Variants in NSRP1 observed in about 807,000 individuals in gnomAD.
The protein encoded by NSRP1 is coiled-coil domain containing 55.
NSRP1 carries 24 observed loss-of-function variants against 54.7 expected under a neutral mutation model. The observed-to-expected ratio is 0.44, with a 90% CI of 0.32 to 0.62. The LOEUF (loss-of-function observed/expected upper bound fraction) is 0.62. Among genes scored for constraint, NSRP1 ranks in the 20% least tolerant of loss-of-function variants. The pLI is 0.06. For missense variants in NSRP1, 596 were observed against 651.2 expected, an observed-to-expected ratio of 0.92 and a Z score of 0.92; for synonymous variants, 210 against 213.8, an observed-to-expected ratio of 0.98 and a Z score of 0.15.
intron 2 of NSRP1, among the ~76,000 whole-genome samples, chr17:30,171,076 T>A (rs898286271): frequency 6.6e-6 from 1 of 152,142 alleles, no homozygotes; most frequent in African/African-American, 2.4e-5. Context: ...TTTTTTTTTC[T>A]TAGCTGTATG....
rs1597588377 is a variant in NSRP1 at position 30,116,984 on chromosome 17, G to A, written c.20+121G>A. 2.3e-6 allele frequency: 3 copies of A among 1,287,192 alleles called. No individual in the cohort carries two copies. In the South Asian group the frequency reaches 3.8e-5, roughly 16 times the overall value. 79.7% of individuals were successfully genotyped at this position (1,287,192 alleles called of 1,614,324 possible). A position where few individuals can be genotyped will look rare whatever the true frequency, so the allele number is the denominator to read the frequency against. On this transcript the variant is annotated intron_variant, in intron 1 of 6. Coordinates refer to ENST00000247026, the MANE Select transcript of NSRP1 (RefSeq NM_032141.4). ...GACTGTGTCGTCAAGGGTAGAGACG[G>A]GAAAAAACGAGAAGTCCTGAGGAAC... is the stretch of plus-strand genomic sequence containing the variant.
intron 2 of NSRP1, among the ~76,000 whole-genome samples, chr17:30,146,241 T>C (rs2143002662): frequency 6.6e-6 from 1 of 152,324 alleles, no homozygotes; most frequent in East Asian, 1.9e-4. Context: ...TCAAACTATT[T>C]GTGGACTTTT....
At chr17:30,184,309 CTTAGGCTTA>C (rs1905424676) in intron 6 of NSRP1, among the ~76,000 whole-genome samples, 1 of 152,202 alleles carries the variant, frequency 6.6e-6, no homozygotes, top group Non-Finnish European at 1.5e-5. Flanking sequence ...TATTCTTTGT[CTTAGGCTTA>C]CCAAAAAATG....
chr17:30,182,969 GTAAA>G (rs923359881), intron 6 of NSRP1, among the ~76,000 whole-genome samples: 1 of 151,784 alleles, frequency 6.6e-6, no homozygotes, highest in African/African-American at 2.4e-5. Context: ...ATAAAATTAA[GTAAA>G]TAAAATTTAA....
At chr17:30,117,206 C>A in intron 1 of NSRP1, 1 of 659,242 alleles carries the variant, frequency 1.5e-6, no homozygotes, top group Non-Finnish European at 2.8e-6. Context: ...CTCTCAGGGG[C>A]AGTGTGAAGA....
chr17:30,136,233 C>T (rs776086086), intron 2 of NSRP1, among the ~76,000 whole-genome samples: 11 of 152,100 alleles, frequency 7.2e-5, no homozygotes, highest in Non-Finnish European at 1.5e-4. Context: ...TGGGCTTTCC[C>T]CACTGACATA....
intron 2 of NSRP1, among the ~76,000 whole-genome samples, chr17:30,138,924 T>G (rs1017260587): frequency 1.2e-4 from 16 of 138,300 alleles, no homozygotes; most frequent in South Asian, 5.2e-4. Flanking sequence ...TTTTTTTTTT[T>G]TTTTTTTTTT....
rs1474304657 is a variant in NSRP1 at position 30,172,556 on chromosome 17, A to T, written c.129A>T (p.Glu43Asp). The T allele has an allele frequency of 3.1e-6, 5 of 1,609,836 alleles. No homozygotes were observed. The highest frequency in any genetic ancestry group is 4.2e-6 in the Non-Finnish European group (5 of 1,177,650). ...SDDDDETSVS[E>D]SLQREAAKKQ... ...CTGTTTTACAGACCTCTGTGAGTGAAAGCCTTCAGAGGGAAGCTGCTAAGA... is the reference window on the plus strand; with the variant it reads ...CTGTTTTACAGACCTCTGTGAGTGATAGCCTTCAGAGGGAAGCTGCTAAGA... Residue 43 changes from glutamate to aspartate, a missense_variant, in exon 3 of 7, where the codon GAA becomes GAT. By Grantham distance (45) the Glu-to-Asp change is conservative. Coordinates refer to ENST00000247026, the MANE Select transcript of NSRP1 (RefSeq NM_032141.4).
At chr17:30,177,375 TAA>T (rs35998302) in intron 3 of NSRP1, among the ~76,000 whole-genome samples, 1 of 148,068 alleles carries the variant, frequency 6.8e-6, no homozygotes. Flanking sequence ...CCCATCGCTT[TAA>T]AAAAAAAAAA....
At chr17:30,158,345 C>G (rs1053266987) in intron 2 of NSRP1, among the ~76,000 whole-genome samples, 2 of 118,366 alleles carry the variant, frequency 1.7e-5, no homozygotes, top group Non-Finnish European at 3.5e-5. Context: ...GTTTTGAGTT[C>G]CTTCTATATT....
intron 2 of NSRP1, among the ~76,000 whole-genome samples, chr17:30,128,771 G>T (rs2071673513): frequency 6.6e-6 from 1 of 152,024 alleles, no homozygotes; most frequent in Admixed American, 6.6e-5. Context: ...TAAAGTGTGT[G>T]CAATACTACG....
intron 2 of NSRP1, among the ~76,000 whole-genome samples, chr17:30,137,787 ACTTAGT>A (rs1333674589): frequency 6.6e-6 from 1 of 152,178 alleles, no homozygotes; most frequent in Non-Finnish European, 1.5e-5. Context: ...GATAAACTGT[ACTTAGT>A]CTTGGTGTAT....
rs929422361 is a variant in NSRP1, at chr17:30,170,395, T to C, written c.115-2147T>C. On this transcript the variant is annotated intron_variant, in intron 2 of 6. Coordinates refer to ENST00000247026, the MANE Select transcript of NSRP1 (RefSeq NM_032141.4). ...ACAATTTTATTACCTATTGTCCTCA[T>C]GTGGTACATTAGATCTCTAGACTTG... Among the ~76,000 whole-genome samples, 11 of 152,192 alleles carry C rather than the reference T, an allele frequency of 7.2e-5. 1 individual carries two copies. Among genetic ancestry groups the C allele is most frequent in the Admixed American group, 3.9e-4 (6 of 15,286 alleles).
At chr17:30,144,997 A>G (rs189149727) in intron 2 of NSRP1, among the ~76,000 whole-genome samples, 7 of 152,260 alleles carry the variant, frequency 4.6e-5, no homozygotes, top group East Asian at 1.9e-4. Flanking sequence ...TTTTGAGTAC[A>G]TATGATTTTG....
intron 2 of NSRP1, among the ~76,000 whole-genome samples, chr17:30,163,568 A>T (rs898647095): frequency 4.6e-5 from 7 of 151,888 alleles, no homozygotes; most frequent in Admixed American, 3.3e-4. Context: ...TATTAGATTG[A>T]TTAAATAATT....
Position 30,185,948 on chromosome 17 carries a change from A to C in NSRP1, c.*274A>C, listed in dbSNP as rs1597626096. 2.1e-5 allele frequency: 5 copies of C among 243,720 alleles called. No homozygotes were observed. The East Asian group carries it at 3.8e-4, about 19-fold the overall frequency. 15.1% of individuals were successfully genotyped at this position (243,720 alleles called of 1,614,324 possible). A position where few individuals can be genotyped will look rare whatever the true frequency, so the allele number is the denominator to read the frequency against. On this transcript the variant is annotated 3_prime_UTR_variant, in exon 7 of 7. Transcript: ENST00000247026. ...GCTAATTCCCTGTAGGTACATAATG[A>C]GGAAAATTTGCTCCACTACAACCAT...
At chr17:30,120,006 T>A (rs2071582643) in intron 2 of NSRP1, among the ~76,000 whole-genome samples, 1 of 152,144 alleles carries the variant, frequency 6.6e-6, no homozygotes, top group Non-Finnish European at 1.5e-5. Context: ...ATTTAGAACA[T>A]TTCCCTCTCT....
intron 2 of NSRP1, among the ~76,000 whole-genome samples, chr17:30,138,563 A>G (rs538809377): frequency 6.6e-6 from 1 of 152,346 alleles, no homozygotes; most frequent in Admixed American, 6.5e-5. Flanking sequence ...AATAACAAGG[A>G]AAAAAGCCTA....
At chr17:30,133,996 C>A (rs2071725864) in intron 2 of NSRP1, among the ~76,000 whole-genome samples, 1 of 152,228 alleles carries the variant, frequency 6.6e-6, no homozygotes, top group Non-Finnish European at 1.5e-5. Flanking sequence ...CCTCAATCAG[C>A]TTAATCATTT....
Sources: allele counts gnomAD v4.1 joint callset (sites outside exome capture counted in the v4.1 genomes callset), GRCh38; gene constraint gnomAD v4.1.1; transcripts MANE v1.5; gene names NCBI Gene and HGNC (gene_info 2026-07-23, HGNC 2026-07-21).